The following RIMS2 variants were observed in gnomAD, a reference collection of about 807,000 sequenced individuals.
RIMS2 encodes regulating synaptic membrane exocytosis protein 2.
A neutral mutation model predicts 174.4 loss-of-function variants in RIMS2; 59 were observed. The ratio of observed to expected loss-of-function variants is 0.34; its 90% CI spans 0.27 to 0.42. The LOEUF (loss-of-function observed/expected upper bound fraction) is 0.42. Among genes scored for constraint, RIMS2 ranks in the 10% least tolerant of loss-of-function variants. The pLI, the probability that RIMS2 is intolerant of heterozygous loss-of-function variation, is 1.00. For missense variants in RIMS2, 1,620 were observed against 1,666.3 expected (o/e 0.97, Z 0.48); for synonymous variants, 606 against 572.5 (o/e 1.06, Z -0.84).
At chr8:104,114,468 CAGTT>C (rs2098246885) in intron 19 of RIMS2, among the ~76,000 whole-genome samples, 1 of 151,764 alleles carries the variant, frequency 6.6e-6, no homozygotes, top group Non-Finnish European at 1.5e-5. Context: ...AGGAAGATGA[CAGTT>C]AAAGAAGAGA....
chr8:103,758,659 C>T (rs1370109414), intron 2 of RIMS2, among the ~76,000 whole-genome samples: 1 of 152,122 alleles, frequency 6.6e-6, no homozygotes, highest in African/African-American at 2.4e-5. Flanking sequence ...CTGCTAATTT[C>T]CTTTCATTTC....
At chr8:103,901,015 C>T (rs2099325491) in intron 4 of RIMS2, among the ~76,000 whole-genome samples, 2 of 152,108 alleles carry the variant, frequency 1.3e-5, no homozygotes, top group South Asian at 4.1e-4. Context: ...CAATGTGTAT[C>T]CATACTCTGT....
intron 12 of RIMS2, among the ~76,000 whole-genome samples, chr8:103,933,257 C>T (rs2080395186): frequency 6.9e-6 from 1 of 145,670 alleles, no homozygotes; most frequent in Non-Finnish European, 1.5e-5. Context: ...CGCACCACTG[C>T]ACTCCAGCCT....
At chr8:103,627,630 C>A (rs2095818166) in intron 1 of RIMS2, among the ~76,000 whole-genome samples, 2 of 152,184 alleles carry the variant, frequency 1.3e-5, no homozygotes, top group Non-Finnish European at 2.9e-5. Flanking sequence ...AATTTATGTT[C>A]TTCTGCCTCG....
chr8:103,953,819 A>G (rs1427932088), intron 14 of RIMS2, among the ~76,000 whole-genome samples: 2 of 152,160 alleles, frequency 1.3e-5, no homozygotes, highest in African/African-American at 4.8e-5. Flanking sequence ...AATTGGATAA[A>G]GAGTCAAGAC....
At chr8:104,098,516 A>G (rs2097800999) in intron 19 of RIMS2, among the ~76,000 whole-genome samples, 1 of 152,180 alleles carries the variant, frequency 6.6e-6, no homozygotes, top group Non-Finnish European at 1.5e-5. Flanking sequence ...TGTTCAAACT[A>G]AAAATCAAGA....
chr8:104,237,787 C>T (rs1360201502), intron 19 of RIMS2, among the ~76,000 whole-genome samples: 1 of 152,090 alleles, frequency 6.6e-6, no homozygotes, highest in African/African-American at 2.4e-5. Flanking sequence ...AAATTGTTGG[C>T]TATTTGTCTT....
intron 19 of RIMS2, among the ~76,000 whole-genome samples, chr8:104,166,562 T>G (rs1373532688): frequency 1.3e-5 from 2 of 152,098 alleles, no homozygotes; most frequent in Non-Finnish European, 2.9e-5. Context: ...AAACTTTTTA[T>G]TTAAGCAAAT....
intron 19 of RIMS2, among the ~76,000 whole-genome samples, chr8:104,030,989 G>C (rs1390670544): frequency 6.6e-6 from 1 of 152,022 alleles, no homozygotes. Flanking sequence ...ATTATAGTAG[G>C]TGCTGAATAT....
In RIMS2 at chr8:103,799,976, T is replaced by C. The variant is rs138934506; in HGVS notation, c.698+33439T>C. Among the ~76,000 whole-genome samples the C allele has an allele frequency of 6.2e-3, 937 of 152,310 alleles. 12 individuals carry two copies. Among genetic ancestry groups the C allele is most frequent in the African/African-American group, 0.021 (886 of 41,572 alleles). On this transcript the variant is annotated intron_variant, in intron 3 of 23. Coordinates refer to ENST00000504942, the Ensembl canonical transcript of RIMS2. Reference sequence around the variant, plus strand: ...ACCAGCTTTACAGTTTTTACCTTTCTCATGTATATTTTAAATTAAGTCAGA... The same window carrying C: ...ACCAGCTTTACAGTTTTTACCTTTCCCATGTATATTTTAAATTAAGTCAGA...
rs116074643 is a variant in RIMS2 at position 103,623,225 on chromosome 8, G to A, written c.177-73861G>A. Among the ~76,000 whole-genome samples, 933 of 152,226 alleles carry A rather than the reference G, an allele frequency of 6.1e-3. 11 individuals are homozygous for A. The highest frequency in any genetic ancestry group is 0.021 in the African/African-American group (883 of 41,522). On this transcript the variant is annotated intron_variant, in intron 1 of 23. Coordinates refer to ENST00000504942, the Ensembl canonical transcript of RIMS2. ...TAGCCCTAACATTCATACCTAGTAA[G>A]TTATTTAACCATTTTATTACACATT...
intron 3 of RIMS2, among the ~76,000 whole-genome samples, chr8:103,801,866 A>C (rs899763745): frequency 6.6e-6 from 1 of 152,308 alleles, no homozygotes; most frequent in South Asian, 2.1e-4. Flanking sequence ...CCAATATCCA[A>C]TGTCATAATC....
chr8:104,014,661 G>A (rs759652561), intron 19 of RIMS2, 46 bp downstream of exon 21: 4 of 1,178,008 alleles, frequency 3.4e-6, no homozygotes, highest in Admixed American at 1.7e-5. Context: ...ACACATGGAA[G>A]CTAAGGTGAA....
Position 104,059,156 on chromosome 8 carries a change from G to A in RIMS2, c.3334+44541G>A, listed in dbSNP as rs538530328. Among the ~76,000 whole-genome samples the A allele has an allele frequency of 2.6e-5, 4 of 151,506 alleles. No homozygotes were observed. The East Asian group carries it at 5.8e-4, about 22-fold the overall frequency. ...TGGCATTGAATCTATAAATTACCTT[G>A]GGCAGTATGGCCATTTTCATGATAT... On this transcript the variant is annotated intron_variant, in intron 19 of 23. Transcript: ENST00000504942.
intron 19 of RIMS2, among the ~76,000 whole-genome samples, chr8:104,025,502 A>G (rs2096233553): frequency 6.6e-6 from 1 of 152,102 alleles, no homozygotes. Flanking sequence ...CAAATATACA[A>G]ACAAAAAAGT....
intron 2 of RIMS2, among the ~76,000 whole-genome samples, chr8:103,703,980 T>G (rs999444390): frequency 6.6e-6 from 1 of 152,014 alleles, no homozygotes; most frequent in African/African-American, 2.4e-5. Context: ...TTTTGTCTAT[T>G]TCTGTTGCCT....
intron 3 of RIMS2, among the ~76,000 whole-genome samples, chr8:103,838,293 C>T (rs902729199): frequency 2.0e-5 from 3 of 152,080 alleles, no homozygotes; most frequent in African/African-American, 7.2e-5. Flanking sequence ...AAATCCTTCA[C>T]CTGCTTGGAA....
intron 3 of RIMS2, among the ~76,000 whole-genome samples, chr8:103,849,057 T>C (rs907574741): frequency 3.3e-5 from 5 of 152,076 alleles, no homozygotes; most frequent in Non-Finnish European, 7.4e-5. Context: ...TTACTGTTTC[T>C]CTCATACCTT....
chr8:103,630,679 C>G (rs953055532), intron 1 of RIMS2, among the ~76,000 whole-genome samples: 3 of 150,892 alleles, frequency 2.0e-5, no homozygotes, highest in Admixed American at 6.6e-5. Context: ...CACAAACACA[C>G]ACACATATTC....
Sources: allele counts gnomAD v4.1 joint callset (sites outside exome capture counted in the v4.1 genomes callset), GRCh38; gene constraint gnomAD v4.1.1; transcripts MANE v1.5; gene names NCBI Gene and HGNC (gene_info 2026-07-23, HGNC 2026-07-21).